ALG12: variants seen among roughly 807,000 people sequenced by gnomAD.
ALG12 encodes dol-P-Man:Man(7)GlcNAc(2)-PP-Dol alpha-1,6-mannosyltransferase.
Under a neutral mutation model 46.0 loss-of-function variants are expected in ALG12, and 36 were observed. The observed-to-expected ratio is 0.78, with a 90% CI of 0.60 to 1.03. ALG12 has a LOEUF of 1.03. ALG12 is among the 50% of genes least tolerant of loss of function. The pLI is 0.00. For missense variants in ALG12, 599 were observed against 633.5 expected (o/e 0.95, Z 0.58); for synonymous variants, 326 against 291.6 (o/e 1.12, Z -1.20).
the ALG12 span, chr22:49,883,669 A>G: frequency 6.3e-7 from 1 of 1,577,216 alleles, no homozygotes; most frequent in Non-Finnish European, 8.6e-7. Context: ...AGTCATGGAG[A>G]ATAACTTGAA....
At chr22:49,866,154 TG>T in the ALG12 span, among the ~76,000 whole-genome samples, 4 of 152,036 alleles carry the variant, frequency 2.6e-5, no homozygotes, top group African/African-American at 9.7e-5. Context: ...CTAGTAATTT[TG>T]TTAGAAAATA....
At chr22:49,884,283 A>T in the ALG12 span, 1 of 1,612,470 alleles carries the variant, frequency 6.2e-7, no homozygotes, top group East Asian at 2.2e-5. Context: ...CACCCATCAA[A>T]CTTGTCCAGA....
chr22:49,910,711 A>G, intron 3 of ALG12, 104 bp from the exon 4 acceptor site: 4 of 1,354,902 alleles, frequency 3.0e-6, no homozygotes, highest in Non-Finnish European at 4.2e-6. Context: ...GGAGTTTTCT[A>G]TGCTGCTGCA....
chr22:49,883,744 G>A, the ALG12 span: 1 of 1,612,450 alleles, frequency 6.2e-7, no homozygotes, highest in Non-Finnish European at 8.5e-7. Context: ...AGAAGAGGAA[G>A]ATGATGATGG....
At chr22:49,880,456 C>T in the ALG12 span, among the ~76,000 whole-genome samples, 1 of 152,230 alleles carries the variant, frequency 6.6e-6, no homozygotes, top group South Asian at 2.1e-4. Flanking sequence ...CTCCCCGCCC[C>T]GCAGCCTGGA....
At chr22:49,880,623 G>A in the ALG12 span, among the ~76,000 whole-genome samples, 1 of 152,216 alleles carries the variant, frequency 6.6e-6, no homozygotes, top group African/African-American at 2.4e-5. Context: ...AGGTCAACCT[G>A]GTTTCCTTTG....
Position 49,906,266 on chromosome 22 carries a change from C to T in ALG12, c.992+1455G>A, listed in dbSNP as rs1379434631. ...AGCCTGTCACCGAATACAATCCATC[C>T]GCGCCGCTCTCCCCGTCTTTCCTAC... On this transcript the variant is annotated intron_variant, in intron 7 of 9. Coordinates refer to ENST00000330817, the MANE Select transcript of ALG12 (RefSeq NM_024105.4). The surrounding 1 kb of genome is among the most constrained non-coding windows in gnomAD (Gnocchi z 4.4). Among the ~76,000 whole-genome samples, 2 of 152,172 alleles carry T rather than the reference C, an allele frequency of 1.3e-5. No homozygotes were observed. The highest frequency in any genetic ancestry group is 1.5e-5 in the Non-Finnish European group (1 of 68,018).
In ALG12 at chr22:49,906,171, C is replaced by T. The variant is rs904990939; in HGVS notation, c.992+1550G>A. 1.3e-5 allele frequency among the ~76,000 whole-genome samples: 2 copies of T among 152,294 alleles called. No individual in the cohort carries two copies. The highest frequency in any genetic ancestry group is 2.4e-5 in the African/African-American group (1 of 41,568). ...CCCTTGCATGGAGCAGCCCCTCACG[C>T]CCAGCACACCAGGCCTCAAAGACAC... On this transcript the variant is annotated intron_variant, in intron 7 of 9. Transcript: ENST00000330817. The surrounding 1 kb of genome is among the most constrained non-coding windows in gnomAD (Gnocchi z 4.4).
downstream of ALG12, among the ~76,000 whole-genome samples, chr22:49,896,633 T>G (rs1158925478): frequency 6.6e-6 from 1 of 152,176 alleles, no homozygotes; most frequent in African/African-American, 2.4e-5. Context: ...TTAATTTTTT[T>G]TATTATTTTT....
chr22:49,897,663 C>CTTTTT (rs146468551), downstream of ALG12, among the ~76,000 whole-genome samples: 19 of 103,648 alleles, frequency 1.8e-4, no homozygotes, highest in Admixed American at 4.2e-4. Context: ...CCCATGTTTT[C>CTTTTT]TTTTTTTTTT....
chr22:49,864,003 A>G, the ALG12 span, among the ~76,000 whole-genome samples: 1 of 152,130 alleles, frequency 6.6e-6, no homozygotes, highest in African/African-American at 2.4e-5. Flanking sequence ...TTCTGTGCTC[A>G]TCTTGTATTT....
the ALG12 span, among the ~76,000 whole-genome samples, chr22:49,860,910 C>T: frequency 6.6e-6 from 1 of 151,800 alleles, no homozygotes; most frequent in African/African-American, 2.4e-5. Flanking sequence ...TCCCGAGTAG[C>T]TGGGACTACA....
the ALG12 span, among the ~76,000 whole-genome samples, chr22:49,875,389 C>G: frequency 2.0e-5 from 3 of 148,086 alleles, no homozygotes; most frequent in South Asian, 6.7e-4. Flanking sequence ...GTAATTTGTC[C>G]ATTTCATCTG....
At chr22:49,885,039 G>A in the ALG12 span, 65 of 1,612,294 alleles carry the variant, frequency 4.0e-5, no homozygotes, top group Non-Finnish European at 5.0e-5. Flanking sequence ...GACTGAAGTC[G>A]GAGGTCTGGC....
the ALG12 span, chr22:49,885,245 T>C: frequency 6.2e-7 from 1 of 1,606,578 alleles, no homozygotes. Flanking sequence ...TATGCCACTT[T>C]GGCCTCTGCA....
chr22:49,909,914 G>A lies in ALG12; in HGVS notation c.644C>T (p.Pro215Leu), dbSNP rs777173365. The change falls in exon 5 of 10, where the codon CCG (proline) becomes CTG (leucine). Residue 215 changes from proline to leucine, a missense_variant. Transcript: ENST00000330817. Reference sequence around the variant, plus strand: ...CTTACCTAAACAGAGGATCCCTGCCGGGACGGCGTGGCGAAGGGCTCTGAC... The same window carrying A: ...CTTACCTAAACAGAGGATCCCTGCCAGGACGGCGTGGCGAAGGGCTCTGAC... ...SVVRALRHAV[P>L]AGILCLGLTV... The A allele has an allele frequency of 6.2e-6, 10 of 1,614,020 alleles. No homozygotes were observed. The highest frequency in any genetic ancestry group is 5.3e-5 in the African/African-American group (4 of 74,952).
Position 49,901,270 on chromosome 22 carries a change from G to A in ALG12, c.*2568C>T, listed in dbSNP as rs1449611644. ...GTCTGTGGGATGCTGGGGCCAGGAA[G>A]CCTGCTCTCCAGCCCTCACCATCTG... On this transcript the variant is annotated 3_prime_UTR_variant, in exon 10 of 10. Transcript: ENST00000330817. 2 of 152,306 alleles carry A rather than the reference G, an allele frequency of 1.3e-5. No individual in the cohort carries two copies. The highest frequency in any genetic ancestry group is 4.8e-5 in the African/African-American group (2 of 41,476). 9.4% of individuals were successfully genotyped at this position (152,306 alleles called of 1,614,324 possible). A position where few individuals can be genotyped will look rare whatever the true frequency, so the allele number is the denominator to read the frequency against.
In ALG12 at chr22:49,901,812, G is replaced by A. The variant is rs1222730023; in HGVS notation, c.*2026C>T. 3 of 144,766 alleles carry A rather than the reference G, an allele frequency of 2.1e-5. No homozygotes were observed. Among genetic ancestry groups the A allele is most frequent in the Admixed American group, 6.7e-5 (1 of 14,848 alleles). 9.0% of individuals were successfully genotyped at this position (144,766 alleles called of 1,614,324 possible). A position where few individuals can be genotyped will look rare whatever the true frequency, so the allele number is the denominator to read the frequency against. On this transcript the variant is annotated 3_prime_UTR_variant, in exon 10 of 10. Transcript: ENST00000330817. The stretch of plus-strand genomic sequence containing the variant: ...TGTGTGGTATGTATGCATGGTGTGT[G>A]CACGTGTGCACTGTGTGTATGCATG...
the ALG12 span, among the ~76,000 whole-genome samples, chr22:49,861,365 C>G: frequency 6.6e-6 from 1 of 152,142 alleles, no homozygotes; most frequent in African/African-American, 2.4e-5. Flanking sequence ...TGGCCTCAAA[C>G]TCTTGGCTGC....
Sources: gnomAD v4.1 joint callset for allele counts (sites outside exome capture counted in the v4.1 genomes callset) on GRCh38, gnomAD v4.1.1 for gene constraint, Gnocchi (gnomAD v3.1) non-coding constraint, MANE v1.5 for transcripts, NCBI Gene and HGNC (gene_info 2026-07-23, HGNC 2026-07-21) for gene names.